The following ZNF577 variants were observed in gnomAD, a reference collection of about 807,000 sequenced individuals.
The protein encoded by ZNF577 is zinc finger protein 577.
A neutral mutation model predicts 13.9 loss-of-function variants in ZNF577; 14 were observed. The observed-to-expected ratio is 1.00, with a 90% confidence interval of 0.66 to 1.57. The LOEUF (loss-of-function observed/expected upper bound fraction) is 1.57. ZNF577 is among the 40% of genes most tolerant of loss of function. The pLI, the probability that ZNF577 is intolerant of heterozygous loss-of-function variation, is 0.00. For missense variants in ZNF577, 555 were observed against 579.2 expected, an observed-to-expected ratio of 0.96 and a Z score of 0.43; for synonymous variants, 203 against 202.9, an observed-to-expected ratio of 1.00 and a Z score of 0.00.
Position 51,873,614 on chromosome 19 carries a change from T to A in ZNF577, c.376A>T (p.Thr126Ser). ...CTATGGTATTTAACTCCAGTAAGAG[T>A]TTTGTCACGCTTGATATGGAGGCAT... is the stretch of plus-strand genomic sequence containing the variant. Reference protein sequence around the residue: ...RSCLHIKRDKTLTGVKYHRCV... With the variant: ...RSCLHIKRDKSLTGVKYHRCV... Residue 126 changes from threonine to serine, a missense_variant, in exon 6 of 6, where the codon ACT becomes TCT. Coordinates refer to ENST00000638348, the MANE Select transcript of ZNF577 (RefSeq NM_001370449.1). 1 of 1,614,082 alleles carries A rather than the reference T, an allele frequency of 6.2e-7. No individual in the cohort carries two copies. Among genetic ancestry groups the A allele is most frequent in the Non-Finnish European group, 8.5e-7 (1 of 1,180,016 alleles).
chr19:51,884,264 G>A (rs78678780), intron 1 of ZNF577, among the ~76,000 whole-genome samples: 2,279 of 152,172 alleles, frequency 0.015, 71 homozygotes, highest in African/African-American at 0.052. Context: ...AAAACAAAAA[G>A]GAAATGGTCT....
At chr19:51,880,501 CT>C (rs1276476303) in intron 2 of ZNF577, 100 bp from the exon 3 acceptor site, 7 of 969,496 alleles carry the variant, frequency 7.2e-6, no homozygotes, top group African/African-American at 3.3e-5. Flanking sequence ...CACAAACCCC[CT>C]GATCCATATA....
chr19:51,847,559 T>C (rs2084359240), intron 5 of ZNF577, among the ~76,000 whole-genome samples: 1 of 152,046 alleles, frequency 6.6e-6, no homozygotes, highest in African/African-American at 2.4e-5. Context: ...CCCAGGCCTC[T>C]CTCTCTGTGG....
At position 51,878,976 on chromosome 19, in the gene ZNF577, G is replaced by A. The variant is rs562784355; in HGVS notation, c.61-461C>T. The A allele has an allele frequency of 2.3e-4, 35 of 154,848 alleles. No homozygotes were observed. In the South Asian group the frequency reaches 6.1e-3, roughly 27 times the overall value. The allele number at this position is 154,848 out of a possible 1,614,324, so 9.6% of individuals were successfully genotyped here. A position where few individuals can be genotyped will look rare whatever the true frequency, so the allele number is the denominator to read the frequency against. ...ACATATTTTAAAAATGTAATAATAC[G>A]GCTGGGCGTGGTGGCTCACACCTGT... is the stretch of plus-strand genomic sequence containing the variant. On this transcript the variant is annotated intron_variant, in intron 3 of 5. Coordinates refer to ENST00000638348, the MANE Select transcript of ZNF577 (RefSeq NM_001370449.1).
intron 10 of ZNF577, among the ~76,000 whole-genome samples, chr19:51,809,372 A>G (rs914391887): frequency 6.6e-6 from 1 of 152,250 alleles, no homozygotes; most frequent in East Asian, 1.9e-4. Flanking sequence ...TGACTGACAC[A>G]TCAGCTCCCG....
chr19:51,883,321 C>T (rs1007455643), intron 1 of ZNF577, among the ~76,000 whole-genome samples: 3 of 151,720 alleles, frequency 2.0e-5, no homozygotes, highest in Non-Finnish European at 4.4e-5. Flanking sequence ...GACAAGGTCT[C>T]GCTATGTTGG....
Position 51,872,510 on chromosome 19 carries a change from C to T in ZNF577, c.*22G>A, listed in dbSNP as rs1222274142. 3 of 1,509,408 alleles carry T rather than the reference C, an allele frequency of 2.0e-6. No homozygotes were observed. The highest frequency in any genetic ancestry group is 2.7e-6 in the Non-Finnish European group (3 of 1,128,044). 93.5% of individuals were successfully genotyped at this position (1,509,408 alleles called of 1,614,324 possible). ...GGAGGATTCCTACTAAAGATTTTCC[C>T]ACCTTTCTGGTATCAGAAGATTTAT... On this transcript the variant is annotated 3_prime_UTR_variant, in exon 6 of 6. Coordinates refer to ENST00000638348, the MANE Select transcript of ZNF577 (RefSeq NM_001370449.1).
chr19:51,868,781 T>C lies in ZNF577; in HGVS notation c.*3751A>G, dbSNP rs912062204. ...AAAGGAAGACATAAGAAACTCTATT[T>C]TGATCTGTACTAAGAGAAATTATTC... On this transcript the variant is annotated 3_prime_UTR_variant, in exon 6 of 6. Transcript: ENST00000638348. 2.6e-5 allele frequency among the ~76,000 whole-genome samples: 4 copies of C among 152,208 alleles called. No homozygotes were observed. The highest frequency in any genetic ancestry group is 4.1e-4 in the South Asian group (2 of 4,828).
At chr19:51,830,685 A>T (rs1231336637) in intron 9 of ZNF577, among the ~76,000 whole-genome samples, 1 of 152,172 alleles carries the variant, frequency 6.6e-6, no homozygotes, top group East Asian at 1.9e-4. Flanking sequence ...GTGACATCAC[A>T]CTTGTTTGGT....
At chr19:51,828,379 A>G (rs1380470407) in intron 9 of ZNF577, among the ~76,000 whole-genome samples, 1 of 151,864 alleles carries the variant, frequency 6.6e-6, no homozygotes, top group Non-Finnish European at 1.5e-5. Context: ...AAAAAAAAAA[A>G]AGGAGAAGAA....
intron 5 of ZNF577, among the ~76,000 whole-genome samples, chr19:51,877,054 G>A (rs897560306): frequency 3.9e-5 from 6 of 152,092 alleles, no homozygotes; most frequent in African/African-American, 1.2e-4. Flanking sequence ...CAAGGTCTTC[G>A]ATGACATGGA....
chr19:51,877,200 A>T lies in ZNF577; in HGVS notation c.283+82T>A, dbSNP rs549356287. The T allele has an allele frequency of 1.4e-4, 166 of 1,221,508 alleles. No individual in the cohort carries two copies. The South Asian group carries it at 1.9e-3, about 14-fold the overall frequency. 75.7% of individuals were successfully genotyped at this position (1,221,508 alleles called of 1,614,324 possible). A position where few individuals can be genotyped will look rare whatever the true frequency, so the allele number is the denominator to read the frequency against. On this transcript the variant is annotated intron_variant, in intron 5 of 5. Coordinates refer to ENST00000638348, the MANE Select transcript of ZNF577 (RefSeq NM_001370449.1). ...ACTACTGTGAAGTCCTCTAAAGAAC[A>T]CTTTAAAAGCATCAACCCTTCTCCG...
chr19:51,856,102 T>TTG (rs1360312916), intron 5 of ZNF577: 1 of 152,208 alleles, frequency 6.6e-6, no homozygotes, highest in Non-Finnish European at 1.5e-5. Context: ...TTTCCAAAAT[T>TTG]GACTGTGATG....
chr19:51,834,924 A>G lies in ZNF577; in HGVS notation c.*599+4969T>C, dbSNP rs574347224. ...GCTCTTGAACTCCTGGCCTCAAGCA[A>G]TCATCCAACCTGAGCCTCCCTTACA... On this transcript the variant is annotated intron_variant and NMD_transcript_variant, in intron 9 of 10. Transcript: ENST00000638827. 2.0e-5 allele frequency among the ~76,000 whole-genome samples: 3 copies of G among 152,308 alleles called. No individual in the cohort carries two copies. The East Asian group carries it at 5.8e-4, about 29-fold the overall frequency.
intron 9 of ZNF577, among the ~76,000 whole-genome samples, chr19:51,819,617 T>C (rs1018146848): frequency 3.9e-5 from 6 of 152,190 alleles, no homozygotes; most frequent in Admixed American, 1.3e-4. Context: ...TGTGTATCCT[T>C]AGGAGAGTGC....
chr19:51,825,043 C>T, intron 9 of ZNF577: 1 of 494,660 alleles, frequency 2.0e-6, no homozygotes, highest in Non-Finnish European at 3.7e-6. Flanking sequence ...TCAGATCCCA[C>T]AGGTTTAAGG....
intron 9 of ZNF577, among the ~76,000 whole-genome samples, chr19:51,812,903 C>T (rs1193626238): frequency 1.3e-5 from 2 of 152,044 alleles, no homozygotes; most frequent in African/African-American, 2.4e-5. Flanking sequence ...GGTGAATCAC[C>T]TGAGGTTACA....
chr19:51,853,944 G>C (rs2084393387), intron 5 of ZNF577, among the ~76,000 whole-genome samples: 1 of 151,376 alleles, frequency 6.6e-6, no homozygotes, highest in Non-Finnish European at 1.5e-5. Context: ...AAACTGGATA[G>C]AAGAGCGAGA....
intron 5 of ZNF577, among the ~76,000 whole-genome samples, chr19:51,846,121 C>A (rs561970702): frequency 6.6e-6 from 1 of 152,256 alleles, no homozygotes; most frequent in South Asian, 2.1e-4. Context: ...TCAAGCAATC[C>A]TCCCACCTCA....
Sources: gnomAD v4.1 joint callset for allele counts (sites outside exome capture counted in the v4.1 genomes callset) on GRCh38, gnomAD v4.1.1 for gene constraint, MANE v1.5 for transcripts, NCBI Gene and HGNC (gene_info 2026-07-23, HGNC 2026-07-21) for gene names.